Variants in ZG16 observed in about 807,000 individuals in gnomAD.
ZG16 encodes zymogen granule protein 16.
Under a neutral mutation model 15.6 loss-of-function variants are expected in ZG16, and 9 were observed. The ratio of observed to expected loss-of-function variants is 0.58; its 90% CI spans 0.35 to 1.00. The LOEUF is 1.00. ZG16 is among the 50% of genes least tolerant of loss of function. The pLI, the probability that ZG16 is intolerant of heterozygous loss-of-function variation, is 0.02. For missense variants in ZG16, 174 were observed against 214.8 expected (o/e 0.81, Z 1.19); for synonymous variants, 89 against 87.4 (o/e 1.02, Z -0.10).
At chr16:29,779,857 C>T (rs1012976919) in intron 3 of ZG16, among the ~76,000 whole-genome samples, 1 of 152,112 alleles carries the variant, frequency 6.6e-6, no homozygotes, top group Non-Finnish European at 1.5e-5. Flanking sequence ...GTACCTGTAG[C>T]CTCAACTACT....
Position 29,780,508 on chromosome 16 carries a change from T to G in ZG16, c.*89T>G. ...TCCAAATGGCTCAATAAAAAAAATATGGTTAAGGCTAGTCTGTGTGGGGGC... is the reference window on the plus strand; with the variant it reads ...TCCAAATGGCTCAATAAAAAAAATAGGGTTAAGGCTAGTCTGTGTGGGGGC... On this transcript the variant is annotated 3_prime_UTR_variant, in exon 4 of 4. Coordinates refer to ENST00000400752, the MANE Select transcript of ZG16 (RefSeq NM_152338.4). 1 of 1,201,622 alleles carries G rather than the reference T, an allele frequency of 8.3e-7. No individual in the cohort carries two copies. The highest frequency in any genetic ancestry group is 1.6e-5 in the South Asian group (1 of 62,928). The allele number at this position is 1,201,622 out of a possible 1,614,324, so 74.4% of individuals were successfully genotyped here.
intron 3 of ZG16, 30 bp from the exon 4 acceptor site, chr16:29,780,074 T>C (rs1472162008): frequency 6.6e-7 from 1 of 1,514,634 alleles, no homozygotes; most frequent in African/African-American, 1.4e-5. Flanking sequence ...ATCACCTTTC[T>C]TTCTCCTTCC....
chr16:29,780,172 T>G lies in ZG16; in HGVS notation c.257T>G (p.Ile86Ser). 2.0e-6 allele frequency: 3 copies of G among 1,537,264 alleles called. No homozygotes were observed. The highest frequency in any genetic ancestry group is 2.6e-6 in the Non-Finnish European group (3 of 1,146,910). Reference sequence around the variant, plus strand: ...GGTCGCAACGGAGACCTGGAGGAGATCTTTCTGCACCCTGGGGAATCAGTG... The same window carrying G: ...GGTCGCAACGGAGACCTGGAGGAGAGCTTTCTGCACCCTGGGGAATCAGTG... ...VGGRNGDLEE[I>S]FLHPGESVIQ... The change falls in exon 4 of 4, where the codon ATC becomes AGC. Residue 86 changes from isoleucine (I) to serine (S), a missense_variant. Physicochemically the swap from Ile to Ser is moderately radical, Grantham distance 142 (BLOSUM62 -2). Transcript: ENST00000400752.
Position 29,780,251 on chromosome 16 carries a change from A to C in ZG16, c.336A>C (p.Thr112=), listed in dbSNP as rs1335220651. The change falls in exon 4 of 4, where the codon ACA becomes ACC. Residue 112 remains threonine, a synonymous_variant. Coordinates refer to ENST00000400752, the MANE Select transcript of ZG16 (RefSeq NM_152338.4). ...KWYLKKLVFV[T]DKGRYLSFGK... ...ACCTGAAGAAGCTGGTATTTGTGACAGACAAGGGCCGCTATCTGTCTTTTG... is the reference window on the plus strand; with the variant it reads ...ACCTGAAGAAGCTGGTATTTGTGACCGACAAGGGCCGCTATCTGTCTTTTG... 6.5e-7 allele frequency: 1 copy of C among 1,537,514 alleles called. No individual in the cohort carries two copies. Among genetic ancestry groups the C allele is most frequent in the Non-Finnish European group, 8.7e-7 (1 of 1,146,966 alleles).
rs1343645838 is a variant in ZG16, at chr16:29,779,624, T to C, written c.175T>C (p.Tyr59His). 1.3e-6 allele frequency: 2 copies of C among 1,537,088 alleles called. No individual in the cohort carries two copies. Among genetic ancestry groups the C allele is most frequent in the East Asian group, 4.9e-5 (2 of 40,924 alleles). The change falls in exon 3 of 4, where the codon TAC becomes CAC. Residue 59 changes from tyrosine (Y) to histidine (H), a missense_variant. Coordinates refer to ENST00000400752, the MANE Select transcript of ZG16 (RefSeq NM_152338.4). ...CGCCCTCCGGGTCCGAGTCAACACA[T>C]ACTACATCGTAGGGTAAGATTCTTT... ...ITALRVRVNTYYIVGLQVRYG... is the reference protein window; with the variant it reads ...ITALRVRVNTHYIVGLQVRYG...
chr16:29,780,212 G>A lies in ZG16; in HGVS notation c.297G>A (p.Gly99=). The A allele has an allele frequency of 1.3e-6, 2 of 1,537,430 alleles. No individual in the cohort carries two copies. The highest frequency in any genetic ancestry group is 1.7e-6 in the Non-Finnish European group (2 of 1,146,934). ...GGGAATCAGTGATCCAGGTTTCTGG[G>A]AAGTACAAGTGGTACCTGAAGAAGC... is the stretch of plus-strand genomic sequence containing the variant. ...HPGESVIQVS[G]KYKWYLKKLV... Residue 99 remains glycine, a synonymous_variant, in exon 4 of 4, where the codon GGG becomes GGA. Coordinates refer to ENST00000400752, the MANE Select transcript of ZG16 (RefSeq NM_152338.4).
chr16:29,778,303 T>G lies in ZG16; in HGVS notation c.-11T>G, dbSNP rs1041565020. 6.6e-6 allele frequency: 1 copy of G among 152,086 alleles called. No homozygotes were observed. The highest frequency in any genetic ancestry group is 2.4e-5 in the African/African-American group (1 of 41,374). 9.4% of individuals were successfully genotyped at this position (152,086 alleles called of 1,614,324 possible). On this transcript the variant is annotated 5_prime_UTR_variant, in exon 1 of 4. Transcript: ENST00000400752. ...GGGGGCTGCTTTGCATCTGAAACTG[T>G]CAGGTGAGGGGTGACAGAGATGCCT...
At chr16:29,778,836 T>C (rs1282708371) in intron 1 of ZG16, among the ~76,000 whole-genome samples, 1 of 152,154 alleles carries the variant, frequency 6.6e-6, no homozygotes, top group Non-Finnish European at 1.5e-5. Context: ...AACTCAGCCA[T>C]CTCTTTGCTT....
rs751728436 is a variant in ZG16 at position 29,780,567 on chromosome 16, C to T, written c.*148C>T. On this transcript the variant is annotated 3_prime_UTR_variant, in exon 4 of 4. Coordinates refer to ENST00000400752, the MANE Select transcript of ZG16 (RefSeq NM_152338.4). ...CTGGGATATCTGCCTCCTGACTTAG[C>T]CGGGGACGTGCAAATCTCACTTCTG... 6.9e-6 allele frequency: 5 copies of T among 719,894 alleles called. No individual in the cohort carries two copies. Among genetic ancestry groups the T allele is most frequent in the Non-Finnish European group, 6.6e-6 (3 of 455,512 alleles). The allele number at this position is 719,894 out of a possible 1,614,324, so 44.6% of individuals were successfully genotyped here.
chr16:29,779,182 C>T (rs901421937), intron 1 of ZG16, 78 bp from the exon 2 acceptor site: 9 of 1,406,542 alleles, frequency 6.4e-6, no homozygotes, highest in Non-Finnish European at 6.8e-6. Context: ...GTCTGAGCTG[C>T]AGGTCAGGAG....
chr16:29,778,941 T>C (rs1469775679), intron 1 of ZG16, among the ~76,000 whole-genome samples: 1 of 152,132 alleles, frequency 6.6e-6, no homozygotes, highest in Non-Finnish European at 1.5e-5. Flanking sequence ...TTCAGAAAAC[T>C]TTTCTGCTTT....
chr16:29,779,139 G>C, intron 1 of ZG16, 121 bp from the exon 2 acceptor site: 2 of 909,880 alleles, frequency 2.2e-6, no homozygotes, highest in Non-Finnish European at 3.4e-6. Flanking sequence ...GACTGGGTCT[G>C]CTAGGTCTAA....
rs1202639114 is a variant in ZG16, at chr16:29,780,284, C to G, written c.369C>G (p.Asp123Glu). ...GCCGCTATCTGTCTTTTGGGAAAGA[C>G]AGTGGCACAAGTTTCAATGCCGTCC... ...DKGRYLSFGK[D>E]SGTSFNAVPL... is the part of the protein sequence containing the mutation. Residue 123 changes from aspartate to glutamate, a missense_variant, in exon 4 of 4, where the codon GAC becomes GAG. Asp to Glu is a conservative substitution (Grantham distance 45). Transcript: ENST00000400752. 9 of 1,537,366 alleles carry G rather than the reference C, an allele frequency of 5.9e-6. No individual in the cohort carries two copies. The highest frequency in any genetic ancestry group is 7.8e-6 in the Non-Finnish European group (9 of 1,146,976).
At chr16:29,779,227 G>T in intron 1 of ZG16, 33 bp from the exon 2 acceptor site, 4 of 1,535,892 alleles carry the variant, frequency 2.6e-6, no homozygotes, top group South Asian at 1.2e-5. Context: ...GGAAGAAGGT[G>T]AATCTTCATT....
Position 29,780,145 on chromosome 16 carries a change from G to A in ZG16, c.230G>A (p.Gly77Asp). ...GGCAAGGTGTGGAGCGACTATGTGG[G>A]TGGTCGCAACGGAGACCTGGAGGAG... The part of the protein sequence containing the change: ...RYGKVWSDYV[G>D]GRNGDLEEIF... The change falls in exon 4 of 4, where the codon GGT (glycine) becomes GAT (aspartate). Residue 77 changes from glycine to aspartate, a missense_variant. Coordinates refer to ENST00000400752, the MANE Select transcript of ZG16 (RefSeq NM_152338.4). The A allele has an allele frequency of 6.5e-7, 1 of 1,537,198 alleles. No individual in the cohort carries two copies. Among genetic ancestry groups the A allele is most frequent in the Non-Finnish European group, 8.7e-7 (1 of 1,146,886 alleles).
chr16:29,779,242 C>CT lies in ZG16; in HGVS notation c.-7-14dup. ...GGAAGAAGGTGAATCTTCATTTGCT[C>CT]TTTTCTTCCCACTCCAGCCCCAGAA... On this transcript the variant is annotated splice_polypyrimidine_tract_variant and intron_variant, in intron 1 of 3. Transcript: ENST00000400752. 2.6e-6 allele frequency: 4 copies of CT among 1,537,560 alleles called. No homozygotes were observed. In the Admixed American group the frequency reaches 7.8e-5, roughly 30 times the overall value.
Position 29,780,134 on chromosome 16 carries a change from C to T in ZG16, c.219C>T (p.Ser73=), listed in dbSNP as rs1262316065. Residue 73 remains serine (S), a synonymous_variant, in exon 4 of 4, where the codon AGC becomes AGT. Coordinates refer to ENST00000400752, the MANE Select transcript of ZG16 (RefSeq NM_152338.4). ...GLQVRYGKVW[S]DYVGGRNGDL... is the part of the protein sequence containing the mutation. ...AGGTGCGCTATGGCAAGGTGTGGAG[C>T]GACTATGTGGGTGGTCGCAACGGAG... 8.5e-6 allele frequency: 13 copies of T among 1,536,966 alleles called. No individual in the cohort carries two copies. The highest frequency in any genetic ancestry group is 1.4e-5 in the African/African-American group (1 of 72,998).
At chr16:29,779,411 G>T in intron 2 of ZG16, 90 bp downstream of exon 2, 1 of 1,535,260 alleles carries the variant, frequency 6.5e-7, no homozygotes, top group Non-Finnish European at 8.7e-7. Context: ...GGTTGGCTTG[G>T]GGTGGGGAGC....
rs900032496 is a variant in ZG16 at position 29,780,510 on chromosome 16, G to A, written c.*91G>A. The A allele has an allele frequency of 1.7e-6, 2 of 1,189,878 alleles. No homozygotes were observed. Among genetic ancestry groups the A allele is most frequent in the African/African-American group, 3.1e-5 (2 of 65,162 alleles). The allele number at this position is 1,189,878 out of a possible 1,614,324, so 73.7% of individuals were successfully genotyped here. On this transcript the variant is annotated 3_prime_UTR_variant, in exon 4 of 4. Transcript: ENST00000400752. Reference sequence around the variant, plus strand: ...CAAATGGCTCAATAAAAAAAATATGGTTAAGGCTAGTCTGTGTGGGGGCAT... The same window carrying A: ...CAAATGGCTCAATAAAAAAAATATGATTAAGGCTAGTCTGTGTGGGGGCAT...
Sources: allele counts gnomAD v4.1 joint callset (sites outside exome capture counted in the v4.1 genomes callset), GRCh38; gene constraint gnomAD v4.1.1; transcripts MANE v1.5; gene names NCBI Gene and HGNC (gene_info 2026-07-23, HGNC 2026-07-21).